Variants in GRK5 observed in about 807,000 individuals in gnomAD.
GRK5 encodes g protein-coupled receptor kinase GRK5.
GRK5 carries 40 observed loss-of-function variants against 78.4 expected under a neutral mutation model. The ratio of observed to expected loss-of-function variants is 0.51; its 90% confidence interval spans 0.40 to 0.66. The LOEUF is 0.66. Ranked by LOEUF, GRK5 falls within the 30% of genes least tolerant of loss-of-function variation. The probability of loss-of-function intolerance (pLI) is 0.00; values close to 1 mark genes in which losing one functional copy is unlikely to be tolerated. For missense variants in GRK5, 598 were observed against 759.9 expected (o/e 0.79, Z 2.50); for synonymous variants, 289 against 296.8 (o/e 0.97, Z 0.27).
intron 12 of GRK5, among the ~76,000 whole-genome samples, 195 bp from the exon 13 acceptor site, chr10:119,447,928 C>G (rs1398775285): frequency 3.9e-5 from 6 of 152,256 alleles, no homozygotes; most frequent in Non-Finnish European, 7.3e-5. Context: ...CCTGTCCCAT[C>G]AGGCATCTAG....
intron 1 of GRK5, among the ~76,000 whole-genome samples, chr10:119,223,344 G>A (rs969959138): frequency 6.6e-6 from 1 of 152,178 alleles, no homozygotes; most frequent in Non-Finnish European, 1.5e-5. Flanking sequence ...GGTACCGGGG[G>A]TTAGGACTTC....
chr10:119,436,611 T>C, intron 8 of GRK5, 40 bp from the exon 9 acceptor site: 1 of 1,604,574 alleles, frequency 6.2e-7, no homozygotes, highest in Non-Finnish European at 8.5e-7. Context: ...TGAGTGGCCA[T>C]TGTCACAACC....
chr10:119,396,616 C>A, intron 3 of GRK5, 79 bp from the exon 4 acceptor site: 1 of 1,239,414 alleles, frequency 8.1e-7, no homozygotes, highest in Non-Finnish European at 1.2e-6. Context: ...GGGATTTCCT[C>A]CAGGGGCTGT....
At chr10:119,396,851 G>A in intron 4 of GRK5, 79 bp downstream of exon 4, 1 of 1,056,626 alleles carries the variant, frequency 9.5e-7, no homozygotes, top group Non-Finnish European at 1.5e-6. Flanking sequence ...TCTGTGCCAG[G>A]CCACATGGGG....
chr10:119,418,791 G>A (rs1852513162), intron 4 of GRK5, among the ~76,000 whole-genome samples: 1 of 152,196 alleles, frequency 6.6e-6, no homozygotes, highest in Admixed American at 6.5e-5. Flanking sequence ...GAGACCACCT[G>A]GTGACCTGAG....
chr10:119,261,047 C>T (rs1379079176), intron 1 of GRK5, among the ~76,000 whole-genome samples: 120 of 102,204 alleles, frequency 1.2e-3, no homozygotes, highest in South Asian at 2.8e-3. Flanking sequence ...GACCCCCCCA[C>T]CTCCCTCCCG....
chr10:119,292,415 A>G (rs749335676), intron 1 of GRK5, among the ~76,000 whole-genome samples: 32 of 151,934 alleles, frequency 2.1e-4, no homozygotes, highest in Non-Finnish European at 4.6e-4. Flanking sequence ...TCATCTGCTC[A>G]TTGCTTCTGG....
intron 3 of GRK5, among the ~76,000 whole-genome samples, chr10:119,390,099 TGA>T (rs1564915091): frequency 6.6e-6 from 1 of 152,132 alleles, no homozygotes; most frequent in Non-Finnish European, 1.5e-5. Context: ...GAAACAATTC[TGA>T]GAGGGAAGGA....
intron 1 of GRK5, among the ~76,000 whole-genome samples, chr10:119,304,151 A>C (rs1850232860): frequency 6.6e-6 from 1 of 152,168 alleles, no homozygotes; most frequent in African/African-American, 2.4e-5. Context: ...AGACATGACC[A>C]AGAGGCAGCT....
intron 13 of GRK5, among the ~76,000 whole-genome samples, chr10:119,450,253 G>T (rs1853247476): frequency 6.6e-6 from 1 of 152,178 alleles, no homozygotes; most frequent in South Asian, 2.1e-4. Flanking sequence ...GGCCATCCTT[G>T]TGGCCTCTGG....
intron 1 of GRK5, among the ~76,000 whole-genome samples, chr10:119,252,698 G>A (rs916250746): frequency 2.6e-5 from 4 of 152,230 alleles, no homozygotes; most frequent in Admixed American, 6.5e-5. Flanking sequence ...AGACGGAAAT[G>A]TGGCCTTCCT....
intron 4 of GRK5, among the ~76,000 whole-genome samples, chr10:119,421,193 G>A (rs1472954945): frequency 6.6e-6 from 1 of 152,236 alleles, no homozygotes; most frequent in African/African-American, 2.4e-5. Context: ...TGGACTAAGG[G>A]TGCCAAGCCA....
chr10:119,434,385 G>A (rs117590932), intron 8 of GRK5, among the ~76,000 whole-genome samples: 9,230 of 152,296 alleles, frequency 0.061, 520 homozygotes, highest in East Asian at 0.28. Context: ...CTACGAGCCC[G>A]TAAAATCAAA....
chr10:119,330,944 T>G (rs964552179), intron 2 of GRK5, among the ~76,000 whole-genome samples: 1 of 152,080 alleles, frequency 6.6e-6, no homozygotes, highest in African/African-American at 2.4e-5. Context: ...TCGCTTCAAC[T>G]TGGGAGGCGG....
At chr10:119,364,613 C>T (rs527702694) in intron 2 of GRK5, among the ~76,000 whole-genome samples, 1 of 152,150 alleles carries the variant, frequency 6.6e-6, no homozygotes, top group Non-Finnish European at 1.5e-5. Flanking sequence ...CTGGCCCTGA[C>T]TTATCTAGTA....
In GRK5 at chr10:119,430,665, C is replaced by T. The variant is rs1852798661; in HGVS notation, c.597+227C>T. On this transcript the variant is annotated intron_variant, in intron 7 of 15. Transcript: ENST00000392870. The surrounding 1 kb of genome is among the most constrained non-coding windows in gnomAD (Gnocchi z 4.5). ...GAGCTGGGCAGGTGAGACAGACGTG[C>T]TCTCCTGCCAGCCTCAGGCAGGATC... is the stretch of plus-strand genomic sequence containing the variant. Among the ~76,000 whole-genome samples the T allele has an allele frequency of 6.6e-6, 1 of 152,056 alleles. No individual in the cohort carries two copies. Among genetic ancestry groups the T allele is most frequent in the Non-Finnish European group, 1.5e-5 (1 of 68,012 alleles).
chr10:119,317,733 TC>T (rs1850516858), intron 1 of GRK5, among the ~76,000 whole-genome samples: 1 of 152,058 alleles, frequency 6.6e-6, no homozygotes, highest in Non-Finnish European at 1.5e-5. Context: ...GGAATATTTT[TC>T]AGTCAACTTT....
At chr10:119,360,649 G>A (rs915600637) in intron 2 of GRK5, among the ~76,000 whole-genome samples, 5 of 152,196 alleles carry the variant, frequency 3.3e-5, no homozygotes, top group Non-Finnish European at 7.3e-5. Flanking sequence ...CTTGTGAGTG[G>A]GAGGAGACTG....
At position 119,403,235 on chromosome 10, in the gene GRK5, C is replaced by T. The variant is rs188465250; in HGVS notation, c.339+6463C>T. Among the ~76,000 whole-genome samples, 40 of 151,964 alleles carry T rather than the reference C, an allele frequency of 2.6e-4. No individual in the cohort carries two copies. The East Asian group carries it at 6.8e-3, about 26-fold the overall frequency. ...AGGCTGGAGTGCAGTGGTGTGATCT[C>T]GGCTCACTGCAAGCTCCGCCTCCCG... On this transcript the variant is annotated intron_variant, in intron 4 of 15. Transcript: ENST00000392870.
Sources: allele counts gnomAD v4.1 joint callset (sites outside exome capture counted in the v4.1 genomes callset), GRCh38; gene constraint gnomAD v4.1.1; non-coding constraint Gnocchi (gnomAD v3.1); transcripts MANE v1.5; gene names NCBI Gene and HGNC (gene_info 2026-07-23, HGNC 2026-07-21).